Variants in SPATS2 observed in about 807,000 individuals in gnomAD.
The protein encoded by SPATS2 is spermatogenesis associated serine rich 2.
SPATS2 carries 38 observed loss-of-function variants against 63.7 expected under a neutral mutation model. That is an observed-to-expected ratio of 0.60 (90% CI 0.46 to 0.78). SPATS2 has a LOEUF of 0.78. Ranked by LOEUF, SPATS2 falls within the 30% of genes least tolerant of loss-of-function variation. The probability of loss-of-function intolerance (pLI) is 0.00; values close to 1 mark genes in which losing one functional copy is unlikely to be tolerated. For missense variants in SPATS2, 588 were observed against 666.2 expected, an observed-to-expected ratio of 0.88 and a Z score of 1.29; for synonymous variants, 207 against 232.9, an observed-to-expected ratio of 0.89 and a Z score of 1.01.
chr12:49,486,126 C>T (rs1946288597), intron 4 of SPATS2: 1 of 414,964 alleles, frequency 2.4e-6, no homozygotes, highest in African/African-American at 2.1e-5. Context: ...ACTATAAATA[C>T]TTGTATTTTA....
intron 9 of SPATS2, among the ~76,000 whole-genome samples, chr12:49,501,508 G>A (rs931918610): frequency 4.6e-5 from 7 of 152,182 alleles, no homozygotes; most frequent in Non-Finnish European, 8.8e-5. Flanking sequence ...TCCAACACAC[G>A]AGCTTTGGGG....
chr12:49,489,762 A>G (rs1015272193), intron 5 of SPATS2, among the ~76,000 whole-genome samples, 189 bp downstream of exon 5: 2 of 152,228 alleles, frequency 1.3e-5, no homozygotes, highest in African/African-American at 4.8e-5. Flanking sequence ...ATAATAAGAG[A>G]TAAGCTGAGA....
At chr12:49,388,380 A>T (rs571942937) in intron 2 of SPATS2, among the ~76,000 whole-genome samples, 5 of 150,852 alleles carry the variant, frequency 3.3e-5, no homozygotes, top group East Asian at 2.0e-4. Flanking sequence ...TTAAAAAATA[A>T]TTTTTTTTCC....
At chr12:49,392,950 G>A (rs997434154) in intron 2 of SPATS2, among the ~76,000 whole-genome samples, 1 of 152,104 alleles carries the variant, frequency 6.6e-6, no homozygotes, top group Non-Finnish European at 1.5e-5. Context: ...TACTTGGGAG[G>A]CTGAGGCAGG....
At chr12:49,421,019 G>C (rs1463063385) in intron 2 of SPATS2, among the ~76,000 whole-genome samples, 3 of 152,072 alleles carry the variant, frequency 2.0e-5, no homozygotes, top group Admixed American at 6.6e-5. Flanking sequence ...AAGGAAAAAA[G>C]AATGCTTGAA....
chr12:49,394,048 T>G (rs1944464780), intron 2 of SPATS2, among the ~76,000 whole-genome samples: 1 of 152,136 alleles, frequency 6.6e-6, no homozygotes, highest in Non-Finnish European at 1.5e-5. Context: ...TCATATGGAT[T>G]TTAGAACTAG....
chr12:49,435,471 A>C (rs964463008), intron 2 of SPATS2, among the ~76,000 whole-genome samples: 4 of 151,426 alleles, frequency 2.6e-5, no homozygotes, highest in Admixed American at 1.3e-4. Context: ...GACTACATGC[A>C]CACGCCAGTG....
At chr12:49,513,753 C>G (rs1304485982) in intron 9 of SPATS2, among the ~76,000 whole-genome samples, 1 of 152,152 alleles carries the variant, frequency 6.6e-6, no homozygotes, top group Non-Finnish European at 1.5e-5. Flanking sequence ...TGAAGACATA[C>G]AAGTCCTAAT....
intron 2 of SPATS2, among the ~76,000 whole-genome samples, chr12:49,426,884 T>A (rs1945087449): frequency 6.6e-6 from 1 of 152,192 alleles, no homozygotes; most frequent in African/African-American, 2.4e-5. Flanking sequence ...AATTTATCCA[T>A]TCTGTAGTTG....
intron 9 of SPATS2, among the ~76,000 whole-genome samples, chr12:49,505,322 T>A (rs1471123453): frequency 6.6e-6 from 1 of 152,226 alleles, no homozygotes. Context: ...TTTGTTGATA[T>A]CTTGTTTCTA....
At chr12:49,436,601 C>T (rs1421201053) in intron 2 of SPATS2, among the ~76,000 whole-genome samples, 3 of 82,896 alleles carry the variant, frequency 3.6e-5, no homozygotes, top group East Asian at 3.8e-4. Context: ...CTGGCCGGGC[C>T]GGGGGCTGAC....
chr12:49,501,833 G>C (rs537062487), intron 9 of SPATS2, among the ~76,000 whole-genome samples: 1 of 152,168 alleles, frequency 6.6e-6, no homozygotes, highest in South Asian at 2.1e-4. Flanking sequence ...TGGCCAGGCC[G>C]GTCTCGAACT....
chr12:49,433,074 CTTATT>C (rs1234697742), intron 2 of SPATS2, among the ~76,000 whole-genome samples: 27 of 152,188 alleles, frequency 1.8e-4, no homozygotes, highest in Non-Finnish European at 3.5e-4. Flanking sequence ...TTTACTAATA[CTTATT>C]TTATTTTCTG....
Position 49,526,089 on chromosome 12 carries a change from C to G in SPATS2, c.1472C>G (p.Ala491Gly), listed in dbSNP as rs746520867. The change falls in exon 14 of 14, where the codon GCT becomes GGT. Residue 491 changes from alanine to glycine, a missense_variant. Transcript: ENST00000552918. ...WYSSGSRYQS[A>G]PSQAPGNTIE... ...TCATCTGGTTCCAGGTATCAGAGTG[C>G]TCCATCTCAGGCACCAGGAAACACC... 1.9e-6 allele frequency: 3 copies of G among 1,614,076 alleles called. No individual in the cohort carries two copies. The highest frequency in any genetic ancestry group is 2.5e-6 in the Non-Finnish European group (3 of 1,180,046).
At chr12:49,429,297 AC>A (rs1271617244) in intron 2 of SPATS2, among the ~76,000 whole-genome samples, 2 of 152,158 alleles carry the variant, frequency 1.3e-5, no homozygotes, top group East Asian at 3.8e-4. Context: ...CAAAATGAAA[AC>A]ATTTTTTCAA....
At chr12:49,441,076 C>T (rs1203069936) in intron 2 of SPATS2, among the ~76,000 whole-genome samples, 3 of 152,162 alleles carry the variant, frequency 2.0e-5, no homozygotes, top group Non-Finnish European at 2.9e-5. Context: ...TTGCTATGTA[C>T]AAGCACTATT....
chr12:49,412,920 CAAATT>C (rs1433630267), intron 2 of SPATS2, among the ~76,000 whole-genome samples: 2 of 151,996 alleles, frequency 1.3e-5, no homozygotes, highest in Admixed American at 6.6e-5. Context: ...TTGCCATGGT[CAAATT>C]AAACATTTCA....
intron 9 of SPATS2, among the ~76,000 whole-genome samples, chr12:49,511,825 A>G (rs1014181813): frequency 2.6e-5 from 4 of 152,162 alleles, no homozygotes; most frequent in Admixed American, 2.6e-4. Context: ...CCTACTTTCC[A>G]CTTTGAACTT....
intron 2 of SPATS2, among the ~76,000 whole-genome samples, chr12:49,395,199 A>G (rs1037597533): frequency 5.3e-5 from 8 of 151,888 alleles, no homozygotes; most frequent in East Asian, 1.9e-4. Context: ...GAGTCTTGCT[A>G]TGTTCCCCAG....
Sources: allele counts gnomAD v4.1 joint callset (sites outside exome capture counted in the v4.1 genomes callset), GRCh38; gene constraint gnomAD v4.1.1; transcripts MANE v1.5; gene names NCBI Gene and HGNC (gene_info 2026-07-23, HGNC 2026-07-21).